Variants in PRR5L observed in about 807,000 individuals in gnomAD.
PRR5L encodes proline-rich protein 5-like.
A neutral mutation model predicts 36.4 loss-of-function variants in PRR5L; 21 were observed. The observed-to-expected ratio is 0.58, with a 90% CI of 0.41 to 0.83. PRR5L has a LOEUF of 0.83. PRR5L is among the 40% of genes least tolerant of loss of function. The pLI is 0.00. For synonymous variants in PRR5L, 188 were observed against 197.0 expected, an observed-to-expected ratio of 0.95 and a Z score of 0.38; for missense variants, 381 against 473.3, an observed-to-expected ratio of 0.80 and a Z score of 1.81.
intron 1 of PRR5L, among the ~76,000 whole-genome samples, chr11:36,300,461 G>T (rs760606654): frequency 1.1e-4 from 17 of 152,022 alleles, no homozygotes; most frequent in Non-Finnish European, 2.4e-4. Flanking sequence ...TGTCCCACTA[G>T]ACCCCACCTC....
chr11:36,376,070 C>A, intron 1 of PRR5L: 2 of 1,005,710 alleles, frequency 2.0e-6, no homozygotes, highest in Non-Finnish European at 2.8e-6. Context: ...AACGCAAGCA[C>A]GGAGCTCCCT....
chr11:36,301,480 A>G (rs1200415180), intron 1 of PRR5L, among the ~76,000 whole-genome samples: 1 of 151,944 alleles, frequency 6.6e-6, no homozygotes, highest in Non-Finnish European at 1.5e-5. Context: ...CACCTGAGGG[A>G]GGGGTTGGTC....
chr11:36,350,339 A>T (rs1396208491), intron 1 of PRR5L, among the ~76,000 whole-genome samples: 1 of 151,130 alleles, frequency 6.6e-6, no homozygotes, highest in African/African-American at 2.4e-5. Flanking sequence ...GTGTGTGTGT[A>T]TGCATGTGTG....
chr11:36,307,181 C>T (rs1033402598), intron 1 of PRR5L, among the ~76,000 whole-genome samples: 2 of 152,158 alleles, frequency 1.3e-5, no homozygotes, highest in African/African-American at 4.8e-5. Flanking sequence ...TAAAATCATG[C>T]TGTGAGATAT....
At chr11:36,307,436 G>A (rs1425221925) in intron 1 of PRR5L, among the ~76,000 whole-genome samples, 1 of 152,162 alleles carries the variant, frequency 6.6e-6, no homozygotes, top group East Asian at 1.9e-4. Flanking sequence ...AGGACATAGG[G>A]CAAGCTTCAG....
chr11:36,383,433 T>C (rs1394606917), intron 1 of PRR5L, among the ~76,000 whole-genome samples: 3 of 152,190 alleles, frequency 2.0e-5, no homozygotes, highest in African/African-American at 7.2e-5. Flanking sequence ...GCATCAGACA[T>C]GTACTGTTTG....
intron 1 of PRR5L, among the ~76,000 whole-genome samples, chr11:36,323,102 T>C (rs986619900): frequency 1.3e-5 from 2 of 152,084 alleles, no homozygotes; most frequent in African/African-American, 4.8e-5. Flanking sequence ...ACCCAGTCTG[T>C]GGTACTTTGT....
Position 36,464,477 on chromosome 11 carries a change from G to C in PRR5L, c.*1741G>C, listed in dbSNP as rs2133645027. On this transcript the variant is annotated 3_prime_UTR_variant, in exon 9 of 9. Coordinates refer to ENST00000530639, the MANE Select transcript of PRR5L (RefSeq NM_001160167.2). Reference sequence around the variant, plus strand: ...CATTTTCATCCTAAGAGTGATGGGAGAGAAATGTCCAAAAGAGATCTGCTG... The same window carrying C: ...CATTTTCATCCTAAGAGTGATGGGACAGAAATGTCCAAAAGAGATCTGCTG... 6.6e-6 allele frequency: 1 copy of C among 152,326 alleles called. No homozygotes were observed. The highest frequency in any genetic ancestry group is 1.9e-4 in the East Asian group (1 of 5,182). 9.4% of individuals were successfully genotyped at this position (152,326 alleles called of 1,614,324 possible).
intron 1 of PRR5L, among the ~76,000 whole-genome samples, chr11:36,357,174 A>C (rs1403514825): frequency 6.6e-6 from 1 of 152,230 alleles, no homozygotes; most frequent in Non-Finnish European, 1.5e-5. Context: ...CATAATTCAG[A>C]GCAAAGCCCT....
intron 1 of PRR5L, among the ~76,000 whole-genome samples, chr11:36,355,054 G>A (rs1018704036): frequency 9.9e-5 from 15 of 152,280 alleles, no homozygotes; most frequent in East Asian, 9.6e-4. Context: ...ATTAGAATCT[G>A]TTCCTCATTA....
chr11:36,401,925 C>T (rs1857806809), intron 2 of PRR5L, among the ~76,000 whole-genome samples: 1 of 152,210 alleles, frequency 6.6e-6, no homozygotes, highest in Non-Finnish European at 1.5e-5. Flanking sequence ...CGAGAGTGGG[C>T]TTCTATAAGA....
chr11:36,402,628 G>A (rs1005919037), intron 2 of PRR5L, among the ~76,000 whole-genome samples: 3 of 152,232 alleles, frequency 2.0e-5, no homozygotes, highest in Non-Finnish European at 2.9e-5. Flanking sequence ...ATGTTTTGGT[G>A]TTAAATGGAT....
chr11:36,302,931 G>A (rs142658213), intron 1 of PRR5L, among the ~76,000 whole-genome samples: 4 of 152,326 alleles, frequency 2.6e-5, no homozygotes, highest in African/African-American at 9.6e-5. Flanking sequence ...GTGCAGATTA[G>A]CACCTCTATT....
At chr11:36,425,192 C>G (rs1858355673) in intron 4 of PRR5L, among the ~76,000 whole-genome samples, 1 of 152,208 alleles carries the variant, frequency 6.6e-6, no homozygotes, top group Non-Finnish European at 1.5e-5. Context: ...TTCAGCATTT[C>G]CCCTGGGCTA....
intron 1 of PRR5L, among the ~76,000 whole-genome samples, chr11:36,298,174 A>G (rs1181929918): frequency 6.6e-6 from 1 of 152,150 alleles, no homozygotes; most frequent in Admixed American, 6.5e-5. Context: ...TGCCATGACA[A>G]AATATCACAG....
chr11:36,386,273 G>A (rs1458490218), intron 1 of PRR5L, among the ~76,000 whole-genome samples: 1 of 152,058 alleles, frequency 6.6e-6, no homozygotes, highest in African/African-American at 2.4e-5. Flanking sequence ...GTGACAGAGC[G>A]AGACCTTGTC....
intron 1 of PRR5L, among the ~76,000 whole-genome samples, chr11:36,393,650 G>T (rs548333970): frequency 1.3e-5 from 2 of 152,090 alleles, no homozygotes; most frequent in Admixed American, 1.3e-4. Flanking sequence ...TGGAGACTTT[G>T]GCAATTCTGG....
chr11:36,389,409 C>T (rs1436201127), intron 1 of PRR5L, among the ~76,000 whole-genome samples: 2 of 152,142 alleles, frequency 1.3e-5, no homozygotes, highest in Non-Finnish European at 2.9e-5. Flanking sequence ...CTACTCAGGG[C>T]GAGGCCGTGA....
chr11:36,450,943 T>A (rs2133624339), intron 7 of PRR5L, among the ~76,000 whole-genome samples: 1 of 152,376 alleles, frequency 6.6e-6, no homozygotes, highest in Admixed American at 6.5e-5. Context: ...GATCTCAGCC[T>A]TGGAGGTGGG....
Sources: allele counts gnomAD v4.1 joint callset (sites outside exome capture counted in the v4.1 genomes callset), GRCh38; gene constraint gnomAD v4.1.1; transcripts MANE v1.5; gene names NCBI Gene and HGNC (gene_info 2026-07-23, HGNC 2026-07-21).